CLDN16: variants seen among roughly 807,000 people sequenced by gnomAD.
CLDN16 encodes claudin 16, also known as claudin-16.
In CLDN16, 13 loss-of-function variants were observed where a neutral mutation model predicts 24.6. That is an observed-to-expected ratio of 0.53 (90% confidence interval 0.34 to 0.84). The LOEUF (loss-of-function observed/expected upper bound fraction) is 0.84. CLDN16 is among the 40% of genes least tolerant of loss of function. CLDN16 has a pLI of 0.01. For synonymous variants in CLDN16, 116 were observed against 106.7 expected (o/e 1.09, Z -0.54); for missense variants, 298 against 292.7 (o/e 1.02, Z -0.13).
chr3:190,297,504 C>A, the CLDN16 span, among the ~76,000 whole-genome samples: 6 of 137,770 alleles, frequency 4.4e-5, no homozygotes, highest in African/African-American at 8.0e-5. Context: ...ATATTTATAT[C>A]TATATATAGA....
chr3:190,332,726 A>T (rs60102163), intron 1 of CLDN16, among the ~76,000 whole-genome samples: 6,978 of 152,186 alleles, frequency 0.046, 203 homozygotes, highest in South Asian at 0.081. Context: ...AGATAATATG[A>T]CTTGGAAGAC....
At chr3:190,406,947 G>A (rs896752073) in intron 3 of CLDN16, among the ~76,000 whole-genome samples, 4 of 151,774 alleles carry the variant, frequency 2.6e-5, no homozygotes, top group Non-Finnish European at 5.9e-5. Context: ...TCACCATGTT[G>A]GCCAGGATGG....
At chr3:190,301,491 C>T in the CLDN16 span, among the ~76,000 whole-genome samples, 1 of 97,046 alleles carries the variant, frequency 1.0e-5, no homozygotes, top group African/African-American at 5.1e-5. Flanking sequence ...GAGACTCTGT[C>T]TCAAAAAAAA....
chr3:190,336,838 G>A (rs1272236438), intron 1 of CLDN16, among the ~76,000 whole-genome samples: 3 of 152,236 alleles, frequency 2.0e-5, no homozygotes, highest in Non-Finnish European at 2.9e-5. Context: ...GGCAGTCCAA[G>A]TAATAAACTA....
At chr3:190,390,676 T>C (rs1718629612) in intron 1 of CLDN16, among the ~76,000 whole-genome samples, 2 of 152,190 alleles carry the variant, frequency 1.3e-5, no homozygotes, top group African/African-American at 4.8e-5. Context: ...GAAACTTATA[T>C]TTTCCACAAA....
chr3:190,313,260 A>C, the CLDN16 span: 25 of 546,194 alleles, frequency 4.6e-5, no homozygotes, highest in East Asian at 6.6e-4. Context: ...CCTCCACTCC[A>C]ATATTTTATG....
chr3:190,293,802 T>C, the CLDN16 span, among the ~76,000 whole-genome samples: 1 of 152,200 alleles, frequency 6.6e-6, no homozygotes, highest in Non-Finnish European at 1.5e-5. Flanking sequence ...ACCGAGAAGA[T>C]TAGAATCTCA....
chr3:190,374,738 A>T (rs1718212422), intron 3 of CLDN16: 1 of 152,032 alleles, frequency 6.6e-6, no homozygotes, highest in South Asian at 2.1e-4. Context: ...AACACTTGTT[A>T]GTTAAAATAA....
chr3:190,384,309 T>G (rs920416837), upstream of CLDN16, among the ~76,000 whole-genome samples: 7 of 152,164 alleles, frequency 4.6e-5, no homozygotes, highest in Non-Finnish European at 8.8e-5. Context: ...GTGACATTAA[T>G]GGAAACAACA....
intron 1 of CLDN16, among the ~76,000 whole-genome samples, chr3:190,336,061 G>A (rs2108626322): frequency 6.6e-6 from 1 of 152,254 alleles, no homozygotes; most frequent in African/African-American, 2.4e-5. Context: ...TAAGATTATG[G>A]AACGTGGAAT....
At chr3:190,339,361 A>G (rs1337886722) in intron 1 of CLDN16, among the ~76,000 whole-genome samples, 2 of 152,132 alleles carry the variant, frequency 1.3e-5, no homozygotes, top group Non-Finnish European at 2.9e-5. Flanking sequence ...CTGTGTATAC[A>G]TTATTCTTCA....
chr3:190,360,913 C>T (rs1413368221), intron 1 of CLDN16, among the ~76,000 whole-genome samples: 1 of 151,896 alleles, frequency 6.6e-6, no homozygotes, highest in East Asian at 1.9e-4. Flanking sequence ...CACATATTTA[C>T]CCCCACTGTT....
intron 1 of CLDN16, among the ~76,000 whole-genome samples, chr3:190,335,917 A>G (rs1717294039): frequency 6.6e-6 from 1 of 152,142 alleles, no homozygotes; most frequent in Admixed American, 6.5e-5. Context: ...CTTGGTAGTA[A>G]GGATGACCCC....
the CLDN16 span, chr3:190,312,877 A>G: frequency 6.2e-7 from 1 of 1,614,124 alleles, no homozygotes; most frequent in Non-Finnish European, 8.5e-7. Flanking sequence ...ATTACCTGCA[A>G]GAAGAAATAT....
intron 1 of CLDN16, among the ~76,000 whole-genome samples, chr3:190,323,339 T>G (rs944652800): frequency 6.6e-6 from 1 of 152,180 alleles, no homozygotes; most frequent in African/African-American, 2.4e-5. Flanking sequence ...TAAACAGCGT[T>G]TCCCCAGTGG....
the CLDN16 span, among the ~76,000 whole-genome samples, chr3:190,312,193 A>T: frequency 0.046 from 6,990 of 152,010 alleles, 534 homozygotes; most frequent in African/African-American, 0.16. Flanking sequence ...AGCCTCCAAA[A>T]GTGCTGGGAT....
chr3:190,297,517 T>C, the CLDN16 span, among the ~76,000 whole-genome samples: 3 of 143,002 alleles, frequency 2.1e-5, no homozygotes, highest in African/African-American at 7.7e-5. Flanking sequence ...TATATAGATA[T>C]GTATATATAT....
At chr3:190,369,079 TG>T (rs1436778848) in intron 1 of CLDN16, among the ~76,000 whole-genome samples, 1 of 151,996 alleles carries the variant, frequency 6.6e-6, no homozygotes, top group East Asian at 1.9e-4. Flanking sequence ...TCCATTGTTC[TG>T]GGTTATGCAG....
intron 1 of CLDN16, among the ~76,000 whole-genome samples, chr3:190,362,446 C>G (rs1717910575): frequency 6.6e-6 from 1 of 151,942 alleles, no homozygotes; most frequent in South Asian, 2.1e-4. Flanking sequence ...GCACTCCCCA[C>G]TTCCTGAGCC....
Sources: gnomAD v4.1 joint callset for allele counts (sites outside exome capture counted in the v4.1 genomes callset) on GRCh38, gnomAD v4.1.1 for gene constraint, MANE v1.5 for transcripts, NCBI Gene and HGNC (gene_info 2026-07-23, HGNC 2026-07-21) for gene names.